Variants in ANKFN1 observed in about 807,000 individuals in gnomAD.
ANKFN1 encodes ankyrin repeat and fibronectin type III domain containing 1.
In ANKFN1, 74 loss-of-function variants were observed where a neutral mutation model predicts 108.7. That is an observed-to-expected ratio of 0.68 (90% CI 0.56 to 0.83). The LOEUF (loss-of-function observed/expected upper bound fraction) is 0.83, where lower values mean the gene tolerates loss of function less well. Among genes scored for constraint, ANKFN1 ranks in the 40% least tolerant of loss-of-function variants. The pLI is 0.00. For missense variants in ANKFN1, 1,505 were observed against 1,382.3 expected, an observed-to-expected ratio of 1.09 and a Z score of -1.41; for synonymous variants, 547 against 516.2, an observed-to-expected ratio of 1.06 and a Z score of -0.81.
intron 4 of ANKFN1, among the ~76,000 whole-genome samples, chr17:56,133,786 G>T (rs1598123408): frequency 6.7e-6 from 1 of 148,864 alleles, no homozygotes; most frequent in Non-Finnish European, 1.5e-5. Context: ...AATCCAAAGT[G>T]TTTTTTTTTT....
intron 1 of ANKFN1, among the ~76,000 whole-genome samples, chr17:56,157,123 A>G (rs1909191345): frequency 6.6e-6 from 1 of 152,178 alleles, no homozygotes; most frequent in South Asian, 2.1e-4. Context: ...TTGCAGTGAG[A>G]GATCTCAGGC....
rs2047423363 is a variant in ANKFN1, at chr17:56,391,256, T to TCTC, written c.910+16542_910+16543insCTC. 4.3e-5 allele frequency among the ~76,000 whole-genome samples: 6 copies of TCTC among 140,858 alleles called. No individual in the cohort carries two copies. In the South Asian group the frequency reaches 8.8e-4, roughly 21 times the overall value. The allele number at this position is 140,858 out of a possible 152,430, so 92.4% of individuals were successfully genotyped here. ...ATATATATATATATATATGTATGTG[T>TCTC]GTGTGTGTGTGTACATATATATATG... On this transcript the variant is annotated intron_variant, in intron 8 of 20. Coordinates refer to ENST00000682825, the MANE Select transcript of ANKFN1 (RefSeq NM_001370326.1).
At chr17:56,423,949 G>A (rs2048483527) in intron 8 of ANKFN1, among the ~76,000 whole-genome samples, 1 of 152,170 alleles carries the variant, frequency 6.6e-6, no homozygotes, top group Non-Finnish European at 1.5e-5. Flanking sequence ...GTAGAAACCT[G>A]AGTACATAAA....
chr17:56,365,522 A>C (rs1252956308), intron 6 of ANKFN1, among the ~76,000 whole-genome samples: 1 of 152,190 alleles, frequency 6.6e-6, no homozygotes, highest in Non-Finnish European at 1.5e-5. Context: ...AATATAGCAG[A>C]GTAACTAGTT....
At chr17:56,189,402 C>A (rs1912650852) in intron 1 of ANKFN1, among the ~76,000 whole-genome samples, 1 of 151,002 alleles carries the variant, frequency 6.6e-6, no homozygotes, top group Non-Finnish European at 1.5e-5. Flanking sequence ...GATCTCCTGA[C>A]CTCGTGATCC....
At chr17:56,269,053 T>C (rs1311478691) in intron 3 of ANKFN1, among the ~76,000 whole-genome samples, 3 of 152,228 alleles carry the variant, frequency 2.0e-5, no homozygotes, top group African/African-American at 4.8e-5. Flanking sequence ...GGTAGTTATA[T>C]GACCTGGGCC....
intron 2 of ANKFN1, among the ~76,000 whole-genome samples, chr17:56,216,528 T>G (rs1202242158): frequency 6.6e-6 from 1 of 152,234 alleles, no homozygotes; most frequent in Non-Finnish European, 1.5e-5. Context: ...CAGCTCTTAC[T>G]CTGCCTTTTT....
intron 20 of ANKFN1, among the ~76,000 whole-genome samples, chr17:56,501,654 C>T (rs1232033606): frequency 3.9e-5 from 6 of 152,106 alleles, no homozygotes; most frequent in African/African-American, 1.4e-4. Flanking sequence ...AATTTGTTTA[C>T]ATGTGAATGA....
At chr17:56,489,796 A>AGAGAGGACATCTGTCAAGTGCT (rs1266674799) in intron 18 of ANKFN1, among the ~76,000 whole-genome samples, 1 of 152,166 alleles carries the variant, frequency 6.6e-6, no homozygotes, top group Non-Finnish European at 1.5e-5. Context: ...TTTCCAGCCA[A>AGAGAGGACATCTGTCAAGTGCT]GAGAGGACAT....
chr17:56,076,869 T>G (rs1238169335), intron 4 of ANKFN1, among the ~76,000 whole-genome samples: 1 of 152,234 alleles, frequency 6.6e-6, no homozygotes, highest in African/African-American at 2.4e-5. Context: ...CTCTTCTGTT[T>G]GTCACCAACC....
At chr17:56,320,612 G>A (rs1386967590) in intron 3 of ANKFN1, among the ~76,000 whole-genome samples, 1 of 152,132 alleles carries the variant, frequency 6.6e-6, no homozygotes, top group Non-Finnish European at 1.5e-5. Context: ...CATAGCTTGA[G>A]AATTCTAATG....
chr17:56,058,478 T>C (rs1213526856), intron 4 of ANKFN1, among the ~76,000 whole-genome samples: 1 of 152,220 alleles, frequency 6.6e-6, no homozygotes, highest in African/African-American at 2.4e-5. Context: ...TCTTTTTTAC[T>C]TTAAGTTCCA....
chr17:56,279,977 A>T (rs2044029118), intron 3 of ANKFN1, among the ~76,000 whole-genome samples: 1 of 151,242 alleles, frequency 6.6e-6, no homozygotes, highest in East Asian at 1.9e-4. Flanking sequence ...CAATTAAATC[A>T]GAATATTTCA....
At chr17:56,465,732 C>T (rs753103322) in intron 14 of ANKFN1, among the ~76,000 whole-genome samples, 1 of 152,168 alleles carries the variant, frequency 6.6e-6, no homozygotes, top group East Asian at 1.9e-4. Flanking sequence ...TTCCTAAAAG[C>T]ATTGTCTGCC....
intron 6 of ANKFN1, among the ~76,000 whole-genome samples, chr17:56,367,896 G>A (rs1465055546): frequency 1.3e-5 from 2 of 152,102 alleles, no homozygotes; most frequent in African/African-American, 4.8e-5. Context: ...ATAACAATCA[G>A]GAAATTGTAA....
intron 3 of ANKFN1, among the ~76,000 whole-genome samples, chr17:56,250,191 C>T (rs1280707352): frequency 6.6e-6 from 1 of 152,184 alleles, no homozygotes; most frequent in Non-Finnish European, 1.5e-5. Flanking sequence ...CCCAGTTTTA[C>T]TCTTCATTTA....
intron 1 of ANKFN1, among the ~76,000 whole-genome samples, chr17:56,186,464 A>G (rs1336073844): frequency 2.6e-5 from 4 of 152,252 alleles, no homozygotes; most frequent in Non-Finnish European, 5.9e-5. Flanking sequence ...CCAAGCAGCT[A>G]CTAAGAATTG....
Position 56,510,774 on chromosome 17 carries a change from C to T in ANKFN1, c.2946C>T (p.Asn982=). The T allele has an allele frequency of 6.5e-7, 1 of 1,536,172 alleles. No homozygotes were observed. Among genetic ancestry groups the T allele is most frequent in the South Asian group, 1.2e-5 (1 of 84,064 alleles). The change falls in exon 21 of 21, where the codon AAC becomes AAT. Residue 982 remains asparagine (N), a synonymous_variant. Transcript: ENST00000682825. The part of the protein sequence containing the change: ...SLTLTGFTPK[N]HAKTVSGGRP... ...CCCTCACGGGGTTCACACCCAAGAA[C>T]CACGCCAAGACTGTGTCCGGTGGGC...
At chr17:56,286,098 C>G (rs990757099) in intron 3 of ANKFN1, among the ~76,000 whole-genome samples, 1 of 152,146 alleles carries the variant, frequency 6.6e-6, no homozygotes, top group African/African-American at 2.4e-5. Flanking sequence ...TTCTGGTGGT[C>G]TGCAGCTGGT....
Sources: allele counts gnomAD v4.1 joint callset (sites outside exome capture counted in the v4.1 genomes callset), GRCh38; gene constraint gnomAD v4.1.1; transcripts MANE v1.5; gene names NCBI Gene and HGNC (gene_info 2026-07-23, HGNC 2026-07-21).